The following PCDHGA3 variants were observed in gnomAD, a reference collection of about 807,000 sequenced individuals.
PCDHGA3 encodes protocadherin gamma subfamily A, 3, also known as protocadherin gamma-A3.
A neutral mutation model predicts 58.5 loss-of-function variants in PCDHGA3; 40 were observed. The ratio of observed to expected loss-of-function variants is 0.68; its 90% CI spans 0.53 to 0.89. The LOEUF (loss-of-function observed/expected upper bound fraction) is 0.89, where lower values mean the gene tolerates loss of function less well. Ranked by LOEUF, PCDHGA3 falls within the 40% of genes least tolerant of loss-of-function variation. PCDHGA3 has a pLI of 0.00. For synonymous variants in PCDHGA3, 530 were observed against 525.7 expected (o/e 1.01, Z -0.11); for missense variants, 1,223 against 1,195.9 (o/e 1.02, Z -0.33).
At position 141,489,774 on chromosome 5, in the gene PCDHGA3, C is replaced by T; in HGVS notation, c.2425-5033C>T. The T allele has an allele frequency of 1.2e-6, 2 of 1,614,164 alleles. No homozygotes were observed. Among genetic ancestry groups the T allele is most frequent in the Non-Finnish European group, 8.5e-7 (1 of 1,179,998 alleles). On this transcript the variant is annotated intron_variant, in intron 1 of 3. Transcript: ENST00000253812. The surrounding 1 kb of genome is among the most constrained non-coding windows in gnomAD (Gnocchi z 4.5). The stretch of plus-strand genomic sequence containing the variant: ...ACACTCTAAGCCCCAACAGCCACTT[C>T]TCTCTGAATGTGAAGACCCTAAAAG...
At chr5:141,447,275 G>C (rs2098532748) in intron 1 of PCDHGA3, among the ~76,000 whole-genome samples, 1 of 152,154 alleles carries the variant, frequency 6.6e-6, no homozygotes, top group African/African-American at 2.4e-5. Flanking sequence ...AAGTAGCTGG[G>C]ACTACAGGCA....
intron 1 of PCDHGA3, chr5:141,385,286 A>G: frequency 3.1e-6 from 5 of 1,613,826 alleles, no homozygotes; most frequent in Non-Finnish European, 4.2e-6. Flanking sequence ...ACATCCGTAG[A>G]TTTTCAGGAA....
chr5:141,509,143 C>G (rs1022878562), intron 3 of PCDHGA3, among the ~76,000 whole-genome samples: 1 of 152,256 alleles, frequency 6.6e-6, no homozygotes, highest in African/African-American at 2.4e-5. Context: ...AGGCGCATCC[C>G]GGCTCTCCCC....
intron 1 of PCDHGA3, chr5:141,389,757 C>A: frequency 6.2e-7 from 1 of 1,612,818 alleles, no homozygotes; most frequent in East Asian, 2.2e-5. Context: ...GGGCGAAGTG[C>A]GCACAGCGCG....
intron 1 of PCDHGA3, chr5:141,394,033 G>C (rs1242755844): frequency 1.2e-6 from 2 of 1,613,422 alleles, no homozygotes; most frequent in Non-Finnish European, 1.7e-6. Context: ...TTAGTGACAA[G>C]GAAATATTTG....
rs753868796 is a variant in PCDHGA3 at position 141,346,457 on chromosome 5, G to A, written c.2424G>A (p.Gln808=). The change falls in exon 1 of 4, where the codon CAG becomes CAA. Residue 808 remains glutamine (Q), a splice_region_variant and synonymous_variant. Coordinates refer to ENST00000253812, the MANE Select transcript of PCDHGA3 (RefSeq NM_018916.4). ...LEMKGDSNLL[Q]QAPPNTDWRF... ...TGAAAGGAGATTCCAACCTACTTCA[G>A]GTGAGTTTATTTATTTCTTTGATTA... The A allele has an allele frequency of 5.5e-5, 89 of 1,614,170 alleles. No individual in the cohort carries two copies. The highest frequency in any genetic ancestry group is 6.9e-5 in the Non-Finnish European group (82 of 1,180,026).
chr5:141,371,362 A>G (rs1767701466), intron 1 of PCDHGA3: 1 of 1,614,014 alleles, frequency 6.2e-7, no homozygotes, highest in Non-Finnish European at 8.5e-7. Context: ...GAAGCAAAGG[A>G]TGGTGGACAT....
intron 1 of PCDHGA3, chr5:141,405,577 T>C (rs1034475748): frequency 1.0e-5 from 6 of 597,580 alleles, no homozygotes; most frequent in Non-Finnish European, 1.8e-5. Context: ...GTAGAGTAGC[T>C]GGGACTACAG....
Position 141,345,116 on chromosome 5 carries a change from C to T in PCDHGA3, c.1083C>T (p.Thr361=). 6.2e-7 allele frequency: 1 copy of T among 1,613,858 alleles called. No individual in the cohort carries two copies. Among genetic ancestry groups the T allele is most frequent in the Non-Finnish European group, 8.5e-7 (1 of 1,179,856 alleles). The change falls in exon 1 of 4, where the codon ACC becomes ACT. Residue 361 remains threonine, a synonymous_variant. Coordinates refer to ENST00000253812, the MANE Select transcript of PCDHGA3 (RefSeq NM_018916.4). ...CAAGCTCAGTCCCAGAAGAGGGCACCGTTGGAAGAGAAATTGCTCTTATCG... is the reference window on the plus strand; with the variant it reads ...CAAGCTCAGTCCCAGAAGAGGGCACTGTTGGAAGAGAAATTGCTCTTATCG... ...SLTSSVPEEG[T]VGREIALIDV...
At position 141,511,462 on chromosome 5, in the gene PCDHGA3, C is replaced by A. The variant is rs1385398410; in HGVS notation, c.*289C>A. ...AGACACCAAGAACCATTTGCCACAC[C>A]CCGTTTAGTTACAGCTGAACTCCTC... On this transcript the variant is annotated 3_prime_UTR_variant, in exon 4 of 4. Coordinates refer to ENST00000253812, the MANE Select transcript of PCDHGA3 (RefSeq NM_018916.4). The A allele has an allele frequency of 4.7e-5, 26 of 556,350 alleles. No individual in the cohort carries two copies. Among genetic ancestry groups the A allele is most frequent in the Non-Finnish European group, 9.1e-6 (3 of 329,202 alleles). 34.5% of individuals were successfully genotyped at this position (556,350 alleles called of 1,614,324 possible). A position where few individuals can be genotyped will look rare whatever the true frequency, so the allele number is the denominator to read the frequency against.
chr5:141,370,915 C>T, intron 1 of PCDHGA3: 1 of 1,614,006 alleles, frequency 6.2e-7, no homozygotes, highest in Non-Finnish European at 8.5e-7. Context: ...TACCTCAGCC[C>T]TGATCCGCAC....
chr5:141,431,726 G>C lies in PCDHGA3; in HGVS notation c.2425-63081G>C. On this transcript the variant is annotated intron_variant, in intron 1 of 3. Coordinates refer to ENST00000253812, the MANE Select transcript of PCDHGA3 (RefSeq NM_018916.4). The surrounding 1 kb of genome is among the most constrained non-coding windows in gnomAD (Gnocchi z 4.8). ...CTACCAGATGGAAGTGCAAGCAATG[G>C]ATAATGCAGGATATTCTGCGCGAGC... The C allele has an allele frequency of 6.2e-7, 1 of 1,614,204 alleles. No homozygotes were observed. Among genetic ancestry groups the C allele is most frequent in the Non-Finnish European group, 8.5e-7 (1 of 1,180,032 alleles).
chr5:141,511,381 G>A lies in PCDHGA3; in HGVS notation c.*208G>A, dbSNP rs545793377. 97 of 1,170,372 alleles carry A rather than the reference G, an allele frequency of 8.3e-5. No homozygotes were observed. In the East Asian group the frequency reaches 9.2e-4, roughly 11 times the overall value. 72.5% of individuals were successfully genotyped at this position (1,170,372 alleles called of 1,614,324 possible). On this transcript the variant is annotated 3_prime_UTR_variant, in exon 4 of 4. Transcript: ENST00000253812. ...GGGTTGAATATGCAAAAGCAGTTCC[G>A]CTGGGAACCCCCATCCAATCAACTG...
At chr5:141,399,635 T>C (rs1237333371) in intron 1 of PCDHGA3, 1 of 1,613,746 alleles carries the variant, frequency 6.2e-7, no homozygotes, top group Admixed American at 1.7e-5. Context: ...TACGTGTCCA[T>C]GAGCGCGCAA....
chr5:141,411,237 T>C (rs1472710660), intron 1 of PCDHGA3: 1 of 152,116 alleles, frequency 6.6e-6, no homozygotes, highest in Non-Finnish European at 1.5e-5. Flanking sequence ...GAAGACTTAG[T>C]GAATTTACGA....
intron 1 of PCDHGA3, among the ~76,000 whole-genome samples, chr5:141,460,221 C>T (rs931609262): frequency 3.4e-4 from 51 of 151,918 alleles, no homozygotes; most frequent in African/African-American, 1.2e-3. Flanking sequence ...TTAGTTGTGT[C>T]TTTTGAAGAG....
At chr5:141,496,734 G>A (rs527288196) in intron 2 of PCDHGA3, among the ~76,000 whole-genome samples, 4 of 152,066 alleles carry the variant, frequency 2.6e-5, no homozygotes, top group Non-Finnish European at 4.4e-5. Flanking sequence ...GTATTCATTC[G>A]TTCATTTATT....
chr5:141,471,626 G>A (rs938624727), intron 1 of PCDHGA3: 2 of 152,108 alleles, frequency 1.3e-5, no homozygotes, highest in South Asian at 4.1e-4. Context: ...GTAAGCATTG[G>A]TATGGATTAG....
At chr5:141,442,205 A>G (rs2098308049) in intron 1 of PCDHGA3, 1 of 153,214 alleles carries the variant, frequency 6.5e-6, no homozygotes, top group Admixed American at 6.5e-5. Context: ...ATATCTGGTG[A>G]TTGCCTTAGC....
Sources: gnomAD v4.1 joint callset for allele counts (sites outside exome capture counted in the v4.1 genomes callset) on GRCh38, gnomAD v4.1.1 for gene constraint, Gnocchi (gnomAD v3.1) non-coding constraint, MANE v1.5 for transcripts, NCBI Gene and HGNC (gene_info 2026-07-23, HGNC 2026-07-21) for gene names.